Variants in L3MBTL4 observed in about 807,000 individuals in gnomAD.
L3MBTL4 encodes the protein lethal(3)malignant brain tumor-like protein 4.
L3MBTL4 carries 70 observed loss-of-function variants against 84.5 expected under a neutral mutation model. That is an observed-to-expected ratio of 0.83 (90% confidence interval 0.68 to 1.01). The LOEUF (loss-of-function observed/expected upper bound fraction) is 1.01, where lower values mean the gene tolerates loss of function less well. Ranked by LOEUF, L3MBTL4 falls within the 50% of genes least tolerant of loss-of-function variation. The pLI, the probability that L3MBTL4 is intolerant of heterozygous loss-of-function variation, is 0.00. For synonymous variants in L3MBTL4, 274 were observed against 259.8 expected (o/e 1.05, Z -0.52); for missense variants, 715 against 754.8 (o/e 0.95, Z 0.62).
At chr18:6,078,101 T>C (rs1269481641) in intron 16 of L3MBTL4, among the ~76,000 whole-genome samples, 2 of 142,396 alleles carry the variant, frequency 1.4e-5, no homozygotes, top group Admixed American at 1.4e-4. Flanking sequence ...CATTCAAATC[T>C]ATGCCCAGAC....
At chr18:6,384,671 A>C (rs1484722825) in intron 1 of L3MBTL4, among the ~76,000 whole-genome samples, 1 of 152,240 alleles carries the variant, frequency 6.6e-6, no homozygotes, top group Non-Finnish European at 1.5e-5. Context: ...AATATAGGCC[A>C]AACTCAGTGA....
At chr18:6,255,927 A>G (rs1279681384) in intron 5 of L3MBTL4, among the ~76,000 whole-genome samples, 1 of 152,234 alleles carries the variant, frequency 6.6e-6, no homozygotes, top group Non-Finnish European at 1.5e-5. Context: ...AAAGCCAGAC[A>G]TGGTCATCAT....
chr18:5,980,861 C>T (rs972272302), intron 16 of L3MBTL4, among the ~76,000 whole-genome samples: 7 of 152,164 alleles, frequency 4.6e-5, no homozygotes, highest in African/African-American at 1.2e-4. Context: ...CCAGAAGCAG[C>T]GGTGCACACA....
intron 16 of L3MBTL4, among the ~76,000 whole-genome samples, chr18:6,072,882 ATATATATATATATATATAT>A (rs1369831761): frequency 1.2e-4 from 2 of 16,696 alleles, no homozygotes; most frequent in African/African-American, 4.3e-4. Context: ...AAAAAAAAAA[ATATATATATATATATATAT>A]ATATATATAT....
At chr18:6,032,607 G>A (rs578178103) in intron 16 of L3MBTL4, among the ~76,000 whole-genome samples, 1 of 151,724 alleles carries the variant, frequency 6.6e-6, no homozygotes, top group Non-Finnish European at 1.5e-5. Context: ...TAGTTCAGTG[G>A]TATTAAATAC....
intron 16 of L3MBTL4, among the ~76,000 whole-genome samples, chr18:6,003,075 GAT>G (rs2054293975): frequency 1.9e-5 from 2 of 107,430 alleles, no homozygotes; most frequent in Non-Finnish European, 3.7e-5. Context: ...TATTTATAGA[GAT>G]ACTATATAAA....
intron 14 of L3MBTL4, among the ~76,000 whole-genome samples, chr18:6,120,259 G>A (rs1417445153): frequency 3.3e-5 from 5 of 152,166 alleles, no homozygotes; most frequent in Admixed American, 6.5e-5. Flanking sequence ...AAGCCCAGGG[G>A]CCCGGGGCCT....
chr18:6,249,253 G>A (rs1326262993), intron 5 of L3MBTL4, among the ~76,000 whole-genome samples: 1 of 152,146 alleles, frequency 6.6e-6, no homozygotes, highest in Non-Finnish European at 1.5e-5. Flanking sequence ...GGGAGAGAAT[G>A]TTACTAATGC....
At chr18:6,007,996 A>G (rs1201679741) in intron 16 of L3MBTL4, among the ~76,000 whole-genome samples, 2 of 152,220 alleles carry the variant, frequency 1.3e-5, no homozygotes, top group African/African-American at 2.4e-5. Flanking sequence ...CTGGCTACCT[A>G]TTCAAAAATC....
At chr18:6,008,348 T>A (rs769057949) in intron 16 of L3MBTL4, among the ~76,000 whole-genome samples, 13 of 152,316 alleles carry the variant, frequency 8.5e-5, no homozygotes, top group Non-Finnish European at 1.6e-4. Flanking sequence ...TCGATCTGTA[T>A]CTGACAAGAG....
chr18:6,214,827 T>C (rs78598029), intron 11 of L3MBTL4, among the ~76,000 whole-genome samples: 6,217 of 152,244 alleles, frequency 0.041, 417 homozygotes, highest in African/African-American at 0.14. Flanking sequence ...GAAGTTGCCT[T>C]CTTAGCTACT....
At chr18:5,983,140 C>T (rs147340849) in intron 16 of L3MBTL4, among the ~76,000 whole-genome samples, 1 of 152,324 alleles carries the variant, frequency 6.6e-6, no homozygotes, top group East Asian at 1.9e-4. Context: ...CCTTCGTTTC[C>T]AGCATGAAGG....
chr18:6,320,787 C>T (rs1177850493), intron 1 of L3MBTL4, among the ~76,000 whole-genome samples: 1 of 152,056 alleles, frequency 6.6e-6, no homozygotes. Flanking sequence ...ATAACCAAAG[C>T]AACCCTAAGC....
intron 13 of L3MBTL4, among the ~76,000 whole-genome samples, chr18:6,142,607 T>G (rs193098991): frequency 6.6e-6 from 1 of 152,100 alleles, no homozygotes; most frequent in Admixed American, 6.6e-5. Context: ...TTTAAACGAA[T>G]CAGAGGAAGT....
At chr18:6,280,788 C>T (rs1362475792) in intron 4 of L3MBTL4, among the ~76,000 whole-genome samples, 3 of 152,064 alleles carry the variant, frequency 2.0e-5, no homozygotes, top group Admixed American at 1.3e-4. Context: ...AAAGTGACCA[C>T]AACAGGAGCA....
intron 14 of L3MBTL4, 141 bp from the exon 15 acceptor site, chr18:6,093,669 G>A (rs1166927541): frequency 3.4e-5 from 22 of 640,314 alleles, no homozygotes; most frequent in Non-Finnish European, 4.9e-5. Flanking sequence ...TCAAATAATA[G>A]TTTCTTTTCA....
At chr18:6,104,331 C>G (rs971717717) in intron 14 of L3MBTL4, among the ~76,000 whole-genome samples, 2 of 152,026 alleles carry the variant, frequency 1.3e-5, no homozygotes, top group African/African-American at 4.8e-5. Flanking sequence ...ATCTAAATGG[C>G]CATTGATGCA....
rs749103041 is a variant in L3MBTL4 at position 6,301,948 on chromosome 18, C to T, written c.82G>A (p.Glu28Lys). 2.5e-6 allele frequency: 4 copies of T among 1,612,388 alleles called. No individual in the cohort carries two copies. In the South Asian group the frequency reaches 4.4e-5, roughly 18 times the overall value. Residue 28 changes from glutamate (E) to lysine (K), a missense_variant, in exon 4 of 19, where the codon GAA (glutamate) becomes AAA (lysine). Glu to Lys is a moderately conservative substitution (Grantham distance 56). Transcript: ENST00000317931. The stretch of plus-strand genomic sequence containing the variant: ...CTATCCTTGGGCTTCTTTTCCTCTT[C>T]AGCTTGCTCCTAGAATACAGAAAAT... ...LDQDGRLEQAEEEKKPKDSTT... is the reference protein window; with the variant it reads ...LDQDGRLEQAKEEKKPKDSTT...
At chr18:6,050,017 A>G (rs1467992681) in intron 16 of L3MBTL4, among the ~76,000 whole-genome samples, 1 of 152,216 alleles carries the variant, frequency 6.6e-6, no homozygotes, top group Non-Finnish European at 1.5e-5. Context: ...GCAAAATTCT[A>G]TCGCAAAACA....
Sources: allele counts gnomAD v4.1 joint callset (sites outside exome capture counted in the v4.1 genomes callset), GRCh38; gene constraint gnomAD v4.1.1; transcripts MANE v1.5; gene names NCBI Gene and HGNC (gene_info 2026-07-23, HGNC 2026-07-21).